GPC6: variants seen among roughly 807,000 people sequenced by gnomAD.
The protein encoded by GPC6 is glypican 6, also known as glypican-6.
GPC6 carries 14 observed loss-of-function variants against 55.2 expected under a neutral mutation model. The ratio of observed to expected loss-of-function variants is 0.25; its 90% CI spans 0.17 to 0.40. The LOEUF is 0.40. Among genes scored for constraint, GPC6 ranks in the 10% least tolerant of loss-of-function variants. The pLI is 1.00. For missense variants in GPC6, 641 were observed against 708.5 expected, an observed-to-expected ratio of 0.90 and a Z score of 1.08; for synonymous variants, 278 against 259.6, an observed-to-expected ratio of 1.07 and a Z score of -0.68.
rs758759927 is a variant in GPC6 at position 94,144,536 on chromosome 13, A to AGTGTGTGT, written c.877+116645_877+116652dup. Reference sequence around the variant, plus strand: ...TTGTAGGAAAAGATCATTCTTTGGGAGTGTGTGTGTATGTGTGTGTGTGTG... The same window carrying AGTGTGTGT: ...TTGTAGGAAAAGATCATTCTTTGGGAGTGTGTGTGTGTGTGTGTATGTGTGTGTGTGTG... On this transcript the variant is annotated intron_variant, in intron 4 of 8. Coordinates refer to ENST00000377047, the MANE Select transcript of GPC6 (RefSeq NM_005708.5). 8.2e-3 allele frequency among the ~76,000 whole-genome samples: 658 copies of AGTGTGTGT among 80,078 alleles called. 4 individuals carry two copies. The highest frequency in any genetic ancestry group is 0.037 in the African/African-American group (590 of 16,136). The allele number at this position is 80,078 out of a possible 152,430, so 52.5% of individuals were successfully genotyped here.
intron 2 of GPC6, among the ~76,000 whole-genome samples, chr13:93,739,680 C>T (rs1884133824): frequency 1.3e-5 from 2 of 152,070 alleles, no homozygotes; most frequent in Admixed American, 6.6e-5. Context: ...CCACCCGCCT[C>T]CACGTCCCAA....
chr13:94,168,333 C>T (rs1239964309), intron 4 of GPC6, among the ~76,000 whole-genome samples: 9 of 152,188 alleles, frequency 5.9e-5, no homozygotes, highest in Admixed American at 6.5e-5. Flanking sequence ...AGCGTGCTCA[C>T]GCATAGATTT....
At chr13:94,212,407 G>A (rs1482141214) in intron 4 of GPC6, among the ~76,000 whole-genome samples, 1 of 151,886 alleles carries the variant, frequency 6.6e-6, no homozygotes. Flanking sequence ...TAGTTTCCAG[G>A]GTAACATCTG....
intron 2 of GPC6, among the ~76,000 whole-genome samples, chr13:93,632,861 AGGGC>A (rs1289875292): frequency 6.6e-6 from 1 of 151,984 alleles, no homozygotes; most frequent in Non-Finnish European, 1.5e-5. Context: ...CAAACCTCAA[AGGGC>A]TATTTATAAA....
chr13:94,330,578 T>TA (rs1343467459), intron 6 of GPC6, among the ~76,000 whole-genome samples: 1 of 152,214 alleles, frequency 6.6e-6, no homozygotes, highest in African/African-American at 2.4e-5. Context: ...TATCACCTGT[T>TA]AAAAAAATGA....
chr13:93,221,088 G>A, the GPC6 span, among the ~76,000 whole-genome samples: 1 of 151,954 alleles, frequency 6.6e-6, no homozygotes, highest in Non-Finnish European at 1.5e-5. Context: ...TCGATATGTT[G>A]CCCAGGCTGG....
intron 6 of GPC6, among the ~76,000 whole-genome samples, chr13:94,379,108 A>G (rs1447350548): frequency 6.6e-6 from 1 of 152,254 alleles, no homozygotes; most frequent in Non-Finnish European, 1.5e-5. Flanking sequence ...ACAGCAGAGC[A>G]GTTACATATA....
intron 1 of GPC6, among the ~76,000 whole-genome samples, chr13:93,373,015 C>T (rs375071230): frequency 7.2e-5 from 11 of 152,266 alleles, no homozygotes; most frequent in African/African-American, 2.4e-4. Flanking sequence ...TGGAGCAGCA[C>T]GCAATTAGCT....
intron 2 of GPC6, among the ~76,000 whole-genome samples, chr13:93,784,961 C>T (rs2138913160): frequency 1.3e-5 from 2 of 152,192 alleles, no homozygotes; most frequent in East Asian, 1.9e-4. Flanking sequence ...AGTAGCAACA[C>T]ACCTGGAAAA....
At chr13:94,049,163 G>T (rs1431261040) in intron 4 of GPC6, among the ~76,000 whole-genome samples, 3 of 151,442 alleles carry the variant, frequency 2.0e-5, no homozygotes, top group Non-Finnish European at 2.9e-5. Context: ...GAAGTGGGAG[G>T]ATCCTTAGAC....
chr13:93,990,336 A>G (rs1214702499), intron 3 of GPC6, among the ~76,000 whole-genome samples: 1 of 152,144 alleles, frequency 6.6e-6, no homozygotes, highest in East Asian at 1.9e-4. Context: ...GGAGCAAAGA[A>G]AGAAAAGTGC....
At chr13:94,270,349 A>G (rs1377662505) in intron 4 of GPC6, among the ~76,000 whole-genome samples, 1 of 152,210 alleles carries the variant, frequency 6.6e-6, no homozygotes, top group Non-Finnish European at 1.5e-5. Flanking sequence ...CAATAAGACA[A>G]TTGCTACAGA....
intron 2 of GPC6, among the ~76,000 whole-genome samples, chr13:93,711,248 C>A (rs1883048257): frequency 6.6e-6 from 1 of 151,770 alleles, no homozygotes; most frequent in Non-Finnish European, 1.5e-5. Context: ...ACTCACAGTT[C>A]CACATGGCTG....
chr13:93,883,912 A>T (rs1875155753), intron 3 of GPC6, among the ~76,000 whole-genome samples: 1 of 152,162 alleles, frequency 6.6e-6, no homozygotes, highest in Admixed American at 6.6e-5. Flanking sequence ...CCATCTTTTC[A>T]ATGTTATTGA....
At position 93,414,066 on chromosome 13, in the gene GPC6, A is replaced by G. The variant is rs186554139; in HGVS notation, c.161-131197A>G. Among the ~76,000 whole-genome samples the G allele has an allele frequency of 2.8e-3, 432 of 152,326 alleles. 1 individual carries two copies. The highest frequency in any genetic ancestry group is 5.0e-3 in the South Asian group (24 of 4,828). The stretch of plus-strand genomic sequence containing the variant: ...TTGCACTAAAAATTAAAAGATGAAC[A>G]GGGACCACATATTTGCCTATGCTAA... On this transcript the variant is annotated intron_variant, in intron 1 of 8. Transcript: ENST00000377047.
In GPC6 at chr13:93,440,114, T is replaced by C. The variant is rs559528361; in HGVS notation, c.161-105149T>C. ...ACACAAATAATTTAGACTGTAATTT[T>C]ATGGCCATATAATATCTTGAGACCT... On this transcript the variant is annotated intron_variant, in intron 1 of 8. Transcript: ENST00000377047. Among the ~76,000 whole-genome samples, 22 of 152,310 alleles carry C rather than the reference T, an allele frequency of 1.4e-4. 1 individual carries two copies. The South Asian group carries it at 4.6e-3, about 32-fold the overall frequency.
chr13:93,477,784 A>G (rs1351538846), intron 1 of GPC6, among the ~76,000 whole-genome samples: 1 of 152,162 alleles, frequency 6.6e-6, no homozygotes. Context: ...AGAAGCTAGT[A>G]TTTGAGAGTT....
chr13:93,977,519 G>T lies in GPC6; in HGVS notation c.712-50210G>T, dbSNP rs9516322. 1.4e-3 allele frequency among the ~76,000 whole-genome samples: 149 copies of T among 105,706 alleles called. No individual in the cohort carries two copies. The East Asian group carries it at 0.015, about 10-fold the overall frequency. 69.3% of individuals were successfully genotyped at this position (105,706 alleles called of 152,430 possible). On this transcript the variant is annotated intron_variant, in intron 3 of 8. Coordinates refer to ENST00000377047, the MANE Select transcript of GPC6 (RefSeq NM_005708.5). Reference sequence around the variant, plus strand: ...GTGTGTGTGTGTGTGTGTGTGTGTGGTGTGTCTTTATTTGTGGTTATTTCA... The same window carrying T: ...GTGTGTGTGTGTGTGTGTGTGTGTGTTGTGTCTTTATTTGTGGTTATTTCA...
chr13:93,989,099 T>C (rs1566636559), intron 3 of GPC6, among the ~76,000 whole-genome samples: 1 of 152,174 alleles, frequency 6.6e-6, no homozygotes, highest in African/African-American at 2.4e-5. Flanking sequence ...TGTAATCCAA[T>C]GCTGGATATT....
Sources: allele counts gnomAD v4.1 joint callset (sites outside exome capture counted in the v4.1 genomes callset), GRCh38; gene constraint gnomAD v4.1.1; transcripts MANE v1.5; gene names NCBI Gene and HGNC (gene_info 2026-07-23, HGNC 2026-07-21).